Variants in DNAAF4 observed in about 807,000 individuals in gnomAD.
DNAAF4 encodes the protein dynein assembly factor 4, axonemal.
DNAAF4 carries 43 observed loss-of-function variants against 51.8 expected under a neutral mutation model. The ratio of observed to expected loss-of-function variants is 0.83; its 90% CI spans 0.65 to 1.07. The LOEUF is 1.07. Among genes scored for constraint, DNAAF4 ranks in the 50% least tolerant of loss-of-function variants. The pLI, the probability that DNAAF4 is intolerant of heterozygous loss-of-function variation, is 0.00. For synonymous variants in DNAAF4, 194 were observed against 165.6 expected (o/e 1.17, Z -1.32); for missense variants, 581 against 493.0 (o/e 1.18, Z -1.69).
At chr15:55,424,729 A>T (rs1328702411) in intron 7 of DNAAF4, among the ~76,000 whole-genome samples, 1 of 151,240 alleles carries the variant, frequency 6.6e-6, no homozygotes, top group Non-Finnish European at 1.5e-5. Context: ...TGCCCAGCTA[A>T]GTTTTGTATT....
intron 3 of DNAAF4, among the ~76,000 whole-genome samples, chr15:55,495,869 T>C (rs1289749337): frequency 6.6e-6 from 1 of 152,152 alleles, no homozygotes; most frequent in Non-Finnish European, 1.5e-5. Context: ...TGGAAGCTGA[T>C]CTTGGTATTA....
chr15:55,451,272 T>C (rs1267405383), intron 5 of DNAAF4, among the ~76,000 whole-genome samples: 1 of 152,230 alleles, frequency 6.6e-6, no homozygotes, highest in Non-Finnish European at 1.5e-5. Context: ...CACTGTTGCA[T>C]AACAAAGTAT....
chr15:55,482,722 A>G (rs527634509), intron 4 of DNAAF4, among the ~76,000 whole-genome samples: 1 of 152,272 alleles, frequency 6.6e-6, no homozygotes, highest in African/African-American at 2.4e-5. Context: ...CTTAAATACT[A>G]GAAGTACATG....
intron 5 of DNAAF4, among the ~76,000 whole-genome samples, chr15:55,454,322 T>G (rs1401025107): frequency 1.3e-5 from 2 of 151,694 alleles, no homozygotes; most frequent in Admixed American, 1.3e-4. Context: ...AAAACATCTG[T>G]GTAATTTGAA....
intron 3 of DNAAF4, among the ~76,000 whole-genome samples, chr15:55,495,485 C>T (rs2058628911): frequency 6.6e-6 from 1 of 152,122 alleles, no homozygotes; most frequent in Admixed American, 6.5e-5. Flanking sequence ...CGCCTGAAAT[C>T]CCAGCATTTG....
intron 5 of DNAAF4, among the ~76,000 whole-genome samples, chr15:55,461,350 C>T (rs755709403): frequency 7.9e-5 from 12 of 152,168 alleles, no homozygotes; most frequent in African/African-American, 1.2e-4. Context: ...CCCACCTAGG[C>T]CTCCCAAAGT....
At position 55,491,203 on chromosome 15, in the gene DNAAF4, C is replaced by T; in HGVS notation, c.325G>A (p.Glu109Lys). Residue 109 changes from glutamate (E) to lysine (K), a missense_variant, in exon 4 of 10, where the codon GAG becomes AAG. Coordinates refer to ENST00000321149, the MANE Select transcript of DNAAF4 (RefSeq NM_130810.4). ...IREKSILQAQ[E>K]RAKEATEAKA... is the part of the protein sequence containing the mutation. ...GCTTCTGTAGCTTCTTTTGCTCTCT[C>T]TTGTGCTTGTAAAATAGATTTTTCT... is the stretch of plus-strand genomic sequence containing the variant. The T allele has an allele frequency of 6.2e-7, 1 of 1,613,980 alleles. No individual in the cohort carries two copies. Among genetic ancestry groups the T allele is most frequent in the Non-Finnish European group, 8.5e-7 (1 of 1,179,984 alleles).
At chr15:55,492,918 G>C (rs2058594088) in intron 3 of DNAAF4, among the ~76,000 whole-genome samples, 1 of 152,184 alleles carries the variant, frequency 6.6e-6, no homozygotes, top group African/African-American at 2.4e-5. Flanking sequence ...TTTCAAAGTA[G>C]AGTATAAAAG....
Position 55,477,593 on chromosome 15 carries a change from T to A in DNAAF4, c.406-10432A>T, listed in dbSNP as rs190331382. Among the ~76,000 whole-genome samples, 134 of 152,078 alleles carry A rather than the reference T, an allele frequency of 8.8e-4. No homozygotes were observed. The Middle Eastern group carries it at 0.01, about 12-fold the overall frequency. ...AGTTAAAGGAACACAGAACAACCAC[T>A]GAAAAATAAATTTTAAAAATATTTA... On this transcript the variant is annotated intron_variant, in intron 4 of 9. Transcript: ENST00000321149.
chr15:55,473,198 A>AAAATAAATATAT, intron 4 of DNAAF4, among the ~76,000 whole-genome samples: 1 of 75,744 alleles, frequency 1.3e-5, no homozygotes, highest in East Asian at 4.1e-4. Context: ...AAAAAAAAAA[A>AAAATAAATATAT]ATATATATAT....
intron 4 of DNAAF4, among the ~76,000 whole-genome samples, chr15:55,488,990 G>A (rs1170697228): frequency 1.3e-5 from 2 of 151,900 alleles, no homozygotes; most frequent in Non-Finnish European, 2.9e-5. Flanking sequence ...TCGGGAGGCT[G>A]AGGCAGAAGA....
intron 1 of DNAAF4, among the ~76,000 whole-genome samples, chr15:55,507,672 C>T (rs536032668): frequency 6.6e-6 from 1 of 152,108 alleles, no homozygotes; most frequent in East Asian, 1.9e-4. Context: ...GAACTGATTA[C>T]CACATAGTCA....
intron 4 of DNAAF4, among the ~76,000 whole-genome samples, chr15:55,472,599 C>T (rs1476505863): frequency 6.6e-6 from 1 of 151,936 alleles, no homozygotes; most frequent in Non-Finnish European, 1.5e-5. Context: ...GCCTGGGTGA[C>T]ACAGTGAGAC....
downstream of DNAAF4, among the ~76,000 whole-genome samples, chr15:55,428,110 T>C (rs1213557532): frequency 6.6e-6 from 1 of 151,794 alleles, no homozygotes; most frequent in Non-Finnish European, 1.5e-5. Context: ...CCTGCCACCA[T>C]GCCCGGCTAA....
chr15:55,430,742 T>C lies in DNAAF4; in HGVS notation c.1191A>G (p.Pro397=), dbSNP rs1321352108. The C allele has an allele frequency of 3.7e-6, 6 of 1,613,512 alleles. No individual in the cohort carries two copies. In the East Asian group the frequency reaches 8.9e-5, roughly 24 times the overall value. The change falls in exon 10 of 10, where the codon CCA becomes CCG. Residue 397 remains proline, a synonymous_variant. Coordinates refer to ENST00000321149, the MANE Select transcript of DNAAF4 (RefSeq NM_130810.4). Reference sequence around the variant, plus strand: ...CATCAATTTGTACAATTTTGTTGGATGGATCAATCTTAAGTGCCGCTTCAT... The same window carrying C: ...CATCAATTTGTACAATTTTGTTGGACGGATCAATCTTAAGTGCCGCTTCAT... ...QDYEAALKID[P]SNKIVQIDAE...
At chr15:55,445,989 C>T (rs2057798558) in intron 6 of DNAAF4, among the ~76,000 whole-genome samples, 1 of 145,282 alleles carries the variant, frequency 6.9e-6, no homozygotes. Flanking sequence ...TCCTCACATC[C>T]CAGACGGGGT....
At position 55,479,075 on chromosome 15, in the gene DNAAF4, A is replaced by AC. The variant is rs548942309; in HGVS notation, c.406-11915dup. 4.1e-3 allele frequency among the ~76,000 whole-genome samples: 624 copies of AC among 151,522 alleles called. 6 individuals carry two copies. Among genetic ancestry groups the AC allele is most frequent in the African/African-American group, 0.014 (579 of 41,296 alleles). On this transcript the variant is annotated intron_variant, in intron 4 of 9. Transcript: ENST00000321149. ...GTCTAAGTACTGTCAGGGTAGGCCC[A>AC]CTAGCTGTATGCACATTTTCCCCTG...
intron 4 of DNAAF4, among the ~76,000 whole-genome samples, chr15:55,481,544 A>G (rs2058410485): frequency 6.6e-6 from 1 of 152,208 alleles, no homozygotes; most frequent in Admixed American, 6.5e-5. Flanking sequence ...GTTCCAGGTG[A>G]CGATGCCAGC....
At chr15:55,478,924 C>A (rs1002398685) in intron 4 of DNAAF4, among the ~76,000 whole-genome samples, 1 of 152,062 alleles carries the variant, frequency 6.6e-6, no homozygotes, top group African/African-American at 2.4e-5. Context: ...AATGCAACCA[C>A]CCCCTAGAGA....
Sources: gnomAD v4.1 joint callset for allele counts (sites outside exome capture counted in the v4.1 genomes callset) on GRCh38, gnomAD v4.1.1 for gene constraint, MANE v1.5 for transcripts, NCBI Gene and HGNC (gene_info 2026-07-23, HGNC 2026-07-21) for gene names.